The following GABRB1 variants were observed in gnomAD, a reference collection of about 807,000 sequenced individuals.
The protein encoded by GABRB1 is gamma-aminobutyric acid type A receptor subunit beta1.
In GABRB1, 17 loss-of-function variants were observed where a neutral mutation model predicts 51.6. The observed-to-expected ratio is 0.33, with a 90% CI of 0.23 to 0.49. The LOEUF (loss-of-function observed/expected upper bound fraction) is 0.49, where lower values mean the gene tolerates loss of function less well. Among genes scored for constraint, GABRB1 ranks in the 20% least tolerant of loss-of-function variants. The probability of loss-of-function intolerance (pLI) is 0.99; values close to 1 mark genes in which losing one functional copy is unlikely to be tolerated. For missense variants in GABRB1, 410 were observed against 600.6 expected, an observed-to-expected ratio of 0.68 and a Z score of 3.32; for synonymous variants, 247 against 218.9, an observed-to-expected ratio of 1.13 and a Z score of -1.14.
At chr4:47,074,740 A>ATATAGT (rs1176967027) in intron 3 of GABRB1, among the ~76,000 whole-genome samples, 1 of 152,210 alleles carries the variant, frequency 6.6e-6, no homozygotes, top group Admixed American at 6.6e-5. Flanking sequence ...GCATGCGAAT[A>ATATAGT]TATAGTTGTC....
At chr4:47,067,905 G>T (rs1164198736) in intron 3 of GABRB1, among the ~76,000 whole-genome samples, 1 of 152,082 alleles carries the variant, frequency 6.6e-6, no homozygotes, top group Non-Finnish European at 1.5e-5. Context: ...ACAGGCCCCA[G>T]TGTGTGTTGT....
chr4:47,237,118 A>G (rs1263676796), intron 4 of GABRB1, among the ~76,000 whole-genome samples: 22 of 152,040 alleles, frequency 1.4e-4, no homozygotes, highest in Admixed American at 1.4e-3. Flanking sequence ...ATACATAGCC[A>G]TAACAAGAAA....
chr4:47,112,265 C>T (rs939222327), intron 3 of GABRB1, among the ~76,000 whole-genome samples: 1 of 152,120 alleles, frequency 6.6e-6, no homozygotes, highest in Non-Finnish European at 1.5e-5. Flanking sequence ...TGGGCCAAAT[C>T]TGATAGTGAG....
chr4:47,242,561 T>G (rs1197031184), intron 4 of GABRB1, among the ~76,000 whole-genome samples: 1 of 152,218 alleles, frequency 6.6e-6, no homozygotes, highest in Non-Finnish European at 1.5e-5. Context: ...GTTTCCTGAC[T>G]TTTTAATAAT....
intron 3 of GABRB1, among the ~76,000 whole-genome samples, chr4:47,113,902 G>A (rs556463452): frequency 6.6e-6 from 1 of 152,182 alleles, no homozygotes; most frequent in Admixed American, 6.5e-5. Context: ...TCCATACATA[G>A]AGTGTCCAGA....
chr4:47,294,820 C>A (rs1205489824), intron 4 of GABRB1, among the ~76,000 whole-genome samples: 2 of 152,208 alleles, frequency 1.3e-5, no homozygotes, highest in Non-Finnish European at 2.9e-5. Flanking sequence ...GGGTCCCTGA[C>A]CCCTGACCCC....
At chr4:47,035,673 G>C (rs1725522513) in intron 3 of GABRB1, among the ~76,000 whole-genome samples, 1 of 152,020 alleles carries the variant, frequency 6.6e-6, no homozygotes, top group Non-Finnish European at 1.5e-5. Context: ...CACGCACAAA[G>C]AGGACTGACT....
At chr4:47,183,224 G>T (rs974323545) in intron 4 of GABRB1, among the ~76,000 whole-genome samples, 1 of 151,288 alleles carries the variant, frequency 6.6e-6, no homozygotes, top group East Asian at 1.9e-4. Context: ...GGTATCTGAG[G>T]TGGTGAGAGA....
At chr4:47,232,310 A>T (rs1578019724) in intron 4 of GABRB1, among the ~76,000 whole-genome samples, 1 of 152,172 alleles carries the variant, frequency 6.6e-6, no homozygotes. Flanking sequence ...TTACCCTACT[A>T]AACATATTTA....
At chr4:47,334,810 C>T (rs1415480705) in intron 5 of GABRB1, among the ~76,000 whole-genome samples, 1 of 152,124 alleles carries the variant, frequency 6.6e-6, no homozygotes. Context: ...TTCTGAAAAG[C>T]ATTTATCCTT....
At chr4:47,012,255 T>C (rs1436752452) in intron 1 of GABRB1, among the ~76,000 whole-genome samples, 1 of 152,216 alleles carries the variant, frequency 6.6e-6, no homozygotes, top group East Asian at 1.9e-4. Flanking sequence ...CAGGTAAACA[T>C]GCATCATGGG....
chr4:47,251,925 A>C (rs1187831748), intron 4 of GABRB1, among the ~76,000 whole-genome samples: 1 of 152,178 alleles, frequency 6.6e-6, no homozygotes, highest in Admixed American at 6.5e-5. Context: ...TCCCAACTGC[A>C]GAGGGAAAAA....
chr4:47,110,710 AATCTT>A (rs1715180172), intron 3 of GABRB1, among the ~76,000 whole-genome samples: 1 of 152,172 alleles, frequency 6.6e-6, no homozygotes, highest in Non-Finnish European at 1.5e-5. Flanking sequence ...AAGTTTTAGA[AATCTT>A]ATCTTCTTTG....
chr4:47,141,146 A>G (rs1716915951), intron 3 of GABRB1, among the ~76,000 whole-genome samples: 1 of 151,834 alleles, frequency 6.6e-6, no homozygotes, highest in Non-Finnish European at 1.5e-5. Context: ...TTCTTCTCCT[A>G]TGTAGAGATG....
chr4:47,071,107 T>C (rs1727318254), intron 3 of GABRB1, among the ~76,000 whole-genome samples: 1 of 152,228 alleles, frequency 6.6e-6, no homozygotes, highest in South Asian at 2.1e-4. Flanking sequence ...CTTTGATGTC[T>C]CTCTTTCTTC....
intron 5 of GABRB1, among the ~76,000 whole-genome samples, chr4:47,360,355 A>T (rs17600442): frequency 1.3e-5 from 2 of 151,944 alleles, no homozygotes; most frequent in East Asian, 1.9e-4. Context: ...GCTGCAACTC[A>T]GAGTTTTTTT....
chr4:47,276,978 A>T (rs1723106262), intron 4 of GABRB1, among the ~76,000 whole-genome samples: 7 of 152,102 alleles, frequency 4.6e-5, no homozygotes, highest in Non-Finnish European at 1.5e-5. Context: ...GGTATCTAGG[A>T]TCCCCAAAAT....
intron 3 of GABRB1, among the ~76,000 whole-genome samples, chr4:47,036,169 A>G (rs1431936082): frequency 6.6e-6 from 1 of 152,230 alleles, no homozygotes; most frequent in African/African-American, 2.4e-5. Context: ...GACAAAAACG[A>G]AAATGAGCCA....
At chr4:47,350,530 C>T (rs1726289810) in intron 5 of GABRB1, among the ~76,000 whole-genome samples, 1 of 151,666 alleles carries the variant, frequency 6.6e-6, no homozygotes, top group South Asian at 2.1e-4. Context: ...ATGTTTACTT[C>T]ATGGAGTTTC....
Sources: allele counts gnomAD v4.1 joint callset (sites outside exome capture counted in the v4.1 genomes callset), GRCh38; gene constraint gnomAD v4.1.1; transcripts MANE v1.5; gene names NCBI Gene and HGNC (gene_info 2026-07-23, HGNC 2026-07-21).